Variants in DOCK8 observed in about 807,000 individuals in gnomAD.
DOCK8 encodes dedicator of cytokinesis 8.
Under a neutral mutation model 245.6 loss-of-function variants are expected in DOCK8, and 141 were observed. The observed-to-expected ratio is 0.57, with a 90% CI of 0.50 to 0.66. The LOEUF (loss-of-function observed/expected upper bound fraction) is 0.66, where lower values mean the gene tolerates loss of function less well. Among genes scored for constraint, DOCK8 ranks in the 30% least tolerant of loss-of-function variants. The pLI is 0.00. For synonymous variants in DOCK8, 1,168 were observed against 970.2 expected, an observed-to-expected ratio of 1.20 and a Z score of -3.79; for missense variants, 2,965 against 2,603.4, an observed-to-expected ratio of 1.14 and a Z score of -3.02.
chr9:332,986 C>T (rs1418175642), intron 10 of DOCK8, among the ~76,000 whole-genome samples: 3 of 151,894 alleles, frequency 2.0e-5, no homozygotes. Flanking sequence ...GAAATAAATC[C>T]TTGAATTTTC....
intron 33 of DOCK8, among the ~76,000 whole-genome samples, chr9:424,768 G>A (rs1564052002): frequency 6.6e-6 from 1 of 152,162 alleles, no homozygotes; most frequent in Admixed American, 6.5e-5. Flanking sequence ...CAATATGAAT[G>A]TACTTAACAC....
In DOCK8 at chr9:464,955, A is replaced by T. The variant is rs529868303; in HGVS notation, c.*736A>T. The T allele has an allele frequency of 5.9e-5, 9 of 152,884 alleles. No homozygotes were observed. The East Asian group carries it at 1.7e-3, about 29-fold the overall frequency. The allele number at this position is 152,884 out of a possible 1,614,324, so 9.5% of individuals were successfully genotyped here. A position where few individuals can be genotyped will look rare whatever the true frequency, so the allele number is the denominator to read the frequency against. On this transcript the variant is annotated 3_prime_UTR_variant, in exon 48 of 48. Coordinates refer to ENST00000432829, the MANE Select transcript of DOCK8 (RefSeq NM_203447.4). ...ATACTGCTTTCACTTAAATGGAAACAATTCTCCGATAATGCTTTGCTTTTT... is the reference window on the plus strand; with the variant it reads ...ATACTGCTTTCACTTAAATGGAAACTATTCTCCGATAATGCTTTGCTTTTT...
intron 2 of DOCK8, among the ~76,000 whole-genome samples, chr9:282,668 C>T (rs748649774): frequency 2.0e-4 from 30 of 152,076 alleles, no homozygotes; most frequent in Non-Finnish European, 4.3e-4. Flanking sequence ...AGCAATCCTC[C>T]TGCGTTGGCC....
intron 2 of DOCK8, chr9:276,877 T>G (rs1365737372): frequency 4.5e-6 from 1 of 221,878 alleles, no homozygotes; most frequent in Non-Finnish European, 9.8e-6. Context: ...GGTACAATCT[T>G]GGCTCACTAC....
intron 4 of DOCK8, among the ~76,000 whole-genome samples, chr9:297,606 ACT>A (rs1393595740): frequency 1.3e-5 from 2 of 151,734 alleles, no homozygotes; most frequent in Admixed American, 6.6e-5. Flanking sequence ...TGAAGCTGGG[ACT>A]CTCTTGTAGC....
chr9:297,969 C>G (rs1006140487), intron 4 of DOCK8, among the ~76,000 whole-genome samples: 1 of 152,158 alleles, frequency 6.6e-6, no homozygotes, highest in African/African-American at 2.4e-5. Context: ...TTGTTAATGC[C>G]TATTTGTCAT....
intron 1 of DOCK8, among the ~76,000 whole-genome samples, chr9:255,063 T>C (rs1263103294): frequency 6.6e-6 from 1 of 152,176 alleles, no homozygotes; most frequent in African/African-American, 2.4e-5. Context: ...CAAGTTAACT[T>C]TGTTGTTACA....
In DOCK8 at chr9:426,928, C is replaced by G. The variant is rs1441324115; in HGVS notation, c.4285C>G (p.Leu1429Val). The change falls in exon 34 of 48, where the codon CTG (leucine) becomes GTG (valine). Residue 1429 changes from leucine to valine, a missense_variant. By Grantham distance (32) the Leu-to-Val change is conservative. This residue lies in a region of DOCK8 where 2,825 missense variants were observed against 2,453.5 expected (regional missense o/e 1.15). Transcript: ENST00000432829. ...LDQEALISGNLATEAHLIILD... is the reference protein window; with the variant it reads ...LDQEALISGNVATEAHLIILD... ...TCAAGAAGCCTTGATCAGTGGCAAT[C>G]TGGCTACAGAAGCACATTTAATCAT... The G allele has an allele frequency of 3.1e-6, 5 of 1,614,018 alleles. No homozygotes were observed. In the African/African-American group the frequency reaches 5.3e-5, roughly 17 times the overall value.
At chr9:350,061 C>T (rs2052082068) in intron 14 of DOCK8, among the ~76,000 whole-genome samples, 2 of 152,200 alleles carry the variant, frequency 1.3e-5, no homozygotes, top group South Asian at 4.1e-4. Context: ...TCCTTGTGCT[C>T]CTCAAGTTCG....
chr9:443,124 G>C (rs1383306507), intron 42 of DOCK8, among the ~76,000 whole-genome samples: 1 of 152,218 alleles, frequency 6.6e-6, no homozygotes, highest in Non-Finnish European at 1.5e-5. Flanking sequence ...CAAGTTCCCA[G>C]GGTACAGAAG....
intron 2 of DOCK8, among the ~76,000 whole-genome samples, chr9:272,161 T>C (rs139518435): frequency 1.3e-3 from 199 of 152,298 alleles, no homozygotes; most frequent in African/African-American, 4.5e-3. Context: ...ATAATAAAAT[T>C]CACACATTTT....
chr9:314,998 A>T (rs554200506), intron 6 of DOCK8, among the ~76,000 whole-genome samples: 1 of 152,192 alleles, frequency 6.6e-6, no homozygotes, highest in Non-Finnish European at 1.5e-5. Context: ...AAGGCATTCT[A>T]TGTCAATCCC....
intron 4 of DOCK8, 37 bp from the exon 5 acceptor site, chr9:304,544 C>T: frequency 1.2e-6 from 2 of 1,613,444 alleles, no homozygotes; most frequent in Admixed American, 1.7e-5. Flanking sequence ...CTCTCTCTCC[C>T]TCTTTCTCTC....
intron 14 of DOCK8, among the ~76,000 whole-genome samples, chr9:353,032 G>A (rs73641525): frequency 0.043 from 6,493 of 152,280 alleles, 296 homozygotes; most frequent in African/African-American, 0.11. Flanking sequence ...AGCCCCTGCT[G>A]TGTGTCAGAC....
At chr9:408,257 G>A (rs750758723) in intron 28 of DOCK8, among the ~76,000 whole-genome samples, 39 of 152,304 alleles carry the variant, frequency 2.6e-4, no homozygotes, top group Middle Eastern at 3.4e-3. Flanking sequence ...CATCGAGTTC[G>A]TGCAACTGCA....
chr9:271,552 T>A (rs560664254), intron 1 of DOCK8, 75 bp from the exon 2 acceptor site: 1 of 1,177,802 alleles, frequency 8.5e-7, no homozygotes, highest in Non-Finnish European at 1.2e-6. Flanking sequence ...TAACATGATA[T>A]CAAAGATTGC....
chr9:434,264 C>G (rs530933409), intron 38 of DOCK8, among the ~76,000 whole-genome samples: 44 of 152,192 alleles, frequency 2.9e-4, no homozygotes, highest in African/African-American at 8.9e-4. Context: ...GAATAATTAA[C>G]TGTTATAGGA....
chr9:354,297 A>G (rs1029841469), intron 14 of DOCK8, among the ~76,000 whole-genome samples: 1 of 152,004 alleles, frequency 6.6e-6, no homozygotes, highest in Non-Finnish European at 1.5e-5. Flanking sequence ...ACAGCATTCC[A>G]CTCCAGCCTG....
intron 6 of DOCK8, among the ~76,000 whole-genome samples, chr9:316,721 C>G (rs2050363819): frequency 6.6e-6 from 1 of 152,140 alleles, no homozygotes; most frequent in Admixed American, 6.5e-5. Flanking sequence ...ACAAAAACAT[C>G]AACAATAGGT....
Sources: allele counts gnomAD v4.1 joint callset (sites outside exome capture counted in the v4.1 genomes callset), GRCh38; gene constraint gnomAD v4.1.1; regional missense constraint gnomAD v4.1.1; transcripts MANE v1.5; gene names NCBI Gene and HGNC (gene_info 2026-07-23, HGNC 2026-07-21).